The following PPP3CC variants were observed in gnomAD, a reference collection of about 807,000 sequenced individuals.
PPP3CC encodes serine/threonine-protein phosphatase 2B catalytic subunit gamma isoform.
Under a neutral mutation model 60.3 loss-of-function variants are expected in PPP3CC, and 35 were observed. The observed-to-expected ratio is 0.58, with a 90% CI of 0.44 to 0.77. PPP3CC has a LOEUF of 0.77. Ranked by LOEUF, PPP3CC falls within the 30% of genes least tolerant of loss-of-function variation. The pLI is 0.00. For synonymous variants in PPP3CC, 206 were observed against 224.3 expected, an observed-to-expected ratio of 0.92 and a Z score of 0.73; for missense variants, 570 against 628.9, an observed-to-expected ratio of 0.91 and a Z score of 1.00.
chr8:22,493,894 T>C (rs1838483676), intron 3 of PPP3CC, among the ~76,000 whole-genome samples: 2 of 152,240 alleles, frequency 1.3e-5, no homozygotes, highest in African/African-American at 4.8e-5. Context: ...CTGTACATAA[T>C]TGTATGTGCT....
chr8:22,441,114 C>A lies in PPP3CC; in HGVS notation c.-296C>A, dbSNP rs2272081. 0.13 allele frequency: 37,353 copies of A among 289,116 alleles called. 5,277 individuals carry two copies. Among genetic ancestry groups the A allele is most frequent in the African/African-American group, 0.44 (20,106 of 45,676 alleles). 17.9% of individuals were successfully genotyped at this position (289,116 alleles called of 1,614,324 possible). ...GGCCCGGGCCGCGAGCAGCCGCGGC[C>A]GTCCCGGTCGCCACCCTTAGCAGCG... On this transcript the variant is annotated 5_prime_UTR_variant, in exon 1 of 14. Transcript: ENST00000240139.
chr8:22,476,788 C>A (rs537888288), intron 3 of PPP3CC, among the ~76,000 whole-genome samples: 1 of 151,748 alleles, frequency 6.6e-6, no homozygotes, highest in African/African-American at 2.4e-5. Context: ...AAAAATTAGC[C>A]GGGTGTGTAG....
At chr8:22,531,168 G>A (rs1839705455) in intron 10 of PPP3CC, 2 of 808,134 alleles carry the variant, frequency 2.5e-6, no homozygotes, top group Admixed American at 4.4e-5. Context: ...CTTATGAGCT[G>A]GTAAAGATAA....
At chr8:22,483,342 A>T (rs553996552) in intron 3 of PPP3CC, among the ~76,000 whole-genome samples, 2 of 152,322 alleles carry the variant, frequency 1.3e-5, no homozygotes, top group Admixed American at 1.3e-4. Context: ...GCTGGAGTGC[A>T]GTGGCGCAAT....
chr8:22,458,458 C>G (rs967412910), intron 1 of PPP3CC, among the ~76,000 whole-genome samples: 5 of 151,706 alleles, frequency 3.3e-5, no homozygotes, highest in East Asian at 1.9e-4. Flanking sequence ...ATTAGCTGGC[C>G]GTGGTGGTTC....
chr8:22,514,620 T>G (rs1367453119), intron 6 of PPP3CC, among the ~76,000 whole-genome samples: 1 of 151,866 alleles, frequency 6.6e-6, no homozygotes, highest in Non-Finnish European at 1.5e-5. Flanking sequence ...ATTTATCCTT[T>G]GTGTTACAAA....
Position 22,475,162 on chromosome 8 carries a change from T to C in PPP3CC, c.247+11T>C. ...ATGCTCCAATCACAGGTATAAAAAG[T>C]CTTTGCATGATACTTTTTTACAGTA... is the stretch of plus-strand genomic sequence containing the variant. On this transcript the variant is annotated intron_variant, in intron 2 of 13. Coordinates refer to ENST00000240139, the MANE Select transcript of PPP3CC (RefSeq NM_005605.5). 6.3e-7 allele frequency: 1 copy of C among 1,599,882 alleles called. No homozygotes were observed. The highest frequency in any genetic ancestry group is 8.5e-7 in the Non-Finnish European group (1 of 1,169,836).
Position 22,522,749 on chromosome 8 carries a change from G to A in PPP3CC, c.943G>A (p.Ala315Thr). 6.4e-7 allele frequency: 1 copy of A among 1,553,772 alleles called. No homozygotes were observed. Among genetic ancestry groups the A allele is most frequent in the African/African-American group, 1.4e-5 (1 of 73,540 alleles). Reference protein sequence around the residue: ...PNYLDVYNNKAAVLKYENNVM... With the variant: ...PNYLDVYNNKTAVLKYENNVM... ...TTACCTAGATGTCTATAACAATAAA[G>A]GTAAAGGAATCCAGCAATATTTGAG... The change falls in exon 8 of 14, where the codon GCT (alanine) becomes ACT (threonine). Residue 315 changes from alanine to threonine, a missense_variant and splice_region_variant. Transcript: ENST00000240139.
intron 8 of PPP3CC, among the ~76,000 whole-genome samples, chr8:22,523,128 GA>G (rs1839452471): frequency 6.6e-6 from 1 of 152,064 alleles, no homozygotes; most frequent in Non-Finnish European, 1.5e-5. Context: ...TAATCTTTGT[GA>G]ATTATTAAAC....
At chr8:22,481,364 A>AATAATAATG (rs1031285014) in intron 3 of PPP3CC, among the ~76,000 whole-genome samples, 2 of 147,914 alleles carry the variant, frequency 1.4e-5, no homozygotes, top group African/African-American at 5.0e-5. Flanking sequence ...TAATAATAAT[A>AATAATAATG]ATAATAATAA....
chr8:22,489,612 A>AT (rs1434960595), intron 3 of PPP3CC, among the ~76,000 whole-genome samples: 1 of 142,000 alleles, frequency 7.0e-6, no homozygotes, highest in Non-Finnish European at 1.5e-5. Flanking sequence ...TGTATATAAT[A>AT]TATAATATAT....
intron 3 of PPP3CC, among the ~76,000 whole-genome samples, chr8:22,485,826 A>G (rs1838206876): frequency 6.6e-6 from 1 of 152,188 alleles, no homozygotes; most frequent in South Asian, 2.1e-4. Flanking sequence ...GCGAAATGTT[A>G]TGTGTTGCTC....
chr8:22,492,109 C>T (rs776428447), intron 3 of PPP3CC, among the ~76,000 whole-genome samples: 1 of 152,048 alleles, frequency 6.6e-6, no homozygotes, highest in Admixed American at 6.6e-5. Flanking sequence ...CACACCTAGG[C>T]TATATGGTAT....
At chr8:22,511,458 C>T (rs571661110) in intron 5 of PPP3CC, among the ~76,000 whole-genome samples, 5 of 152,028 alleles carry the variant, frequency 3.3e-5, no homozygotes, top group East Asian at 3.9e-4. Context: ...TTAGTAGAGA[C>T]GGGGTTTCAC....
chr8:22,480,092 A>G (rs1838016073), intron 3 of PPP3CC, among the ~76,000 whole-genome samples: 1 of 151,786 alleles, frequency 6.6e-6, no homozygotes, highest in African/African-American at 2.4e-5. Context: ...TTTTCCATGA[A>G]TCTGATTGTG....
At chr8:22,456,240 T>C (rs1837191941) in intron 1 of PPP3CC, among the ~76,000 whole-genome samples, 1 of 152,100 alleles carries the variant, frequency 6.6e-6, no homozygotes, top group Non-Finnish European at 1.5e-5. Context: ...GGTCAACCCA[T>C]GTGGCTGTTT....
chr8:22,504,699 C>T (rs1484181723), intron 4 of PPP3CC, among the ~76,000 whole-genome samples: 4 of 150,704 alleles, frequency 2.7e-5, no homozygotes, highest in Non-Finnish European at 5.9e-5. Flanking sequence ...TCCCTCCCTC[C>T]TTCCCTCCCT....
intron 6 of PPP3CC, among the ~76,000 whole-genome samples, chr8:22,521,870 A>G (rs966637619): frequency 1.3e-5 from 2 of 151,932 alleles, no homozygotes; most frequent in African/African-American, 4.8e-5. Flanking sequence ...TAAAATATTT[A>G]CATCTGCTCC....
intron 3 of PPP3CC, among the ~76,000 whole-genome samples, chr8:22,481,868 C>G (rs1838080015): frequency 6.6e-6 from 1 of 152,142 alleles, no homozygotes; most frequent in African/African-American, 2.4e-5. Flanking sequence ...ATGAACTCAT[C>G]CTTTTTTTTG....
Sources: gnomAD v4.1 joint callset for allele counts (sites outside exome capture counted in the v4.1 genomes callset) on GRCh38, gnomAD v4.1.1 for gene constraint, MANE v1.5 for transcripts, NCBI Gene and HGNC (gene_info 2026-07-23, HGNC 2026-07-21) for gene names.